Variants in CRTAC1 observed in about 807,000 individuals in gnomAD.
CRTAC1 encodes the protein acidic secreted protein in cartilage.
In CRTAC1, 37 loss-of-function variants were observed where a neutral mutation model predicts 67.8. The ratio of observed to expected loss-of-function variants is 0.55; its 90% CI spans 0.42 to 0.72. CRTAC1 has a LOEUF of 0.72. CRTAC1 is among the 30% of genes least tolerant of loss of function. The pLI, the probability that CRTAC1 is intolerant of heterozygous loss-of-function variation, is 0.00. For synonymous variants in CRTAC1, 348 were observed against 371.0 expected (o/e 0.94, Z 0.71); for missense variants, 780 against 931.6 (o/e 0.84, Z 2.12).
chr10:98,015,087 T>G (rs1442087829), intron 1 of CRTAC1, among the ~76,000 whole-genome samples: 1 of 152,210 alleles, frequency 6.6e-6, no homozygotes, highest in Non-Finnish European at 1.5e-5. Flanking sequence ...AAATGTGATA[T>G]ATGCATACAG....
At chr10:97,869,152 T>C (rs2050062517) in intron 14 of CRTAC1, 1 of 152,272 alleles carries the variant, frequency 6.6e-6, no homozygotes, top group Non-Finnish European at 1.5e-5. Context: ...ATCAGGCAGA[T>C]TCCCAGGGAA....
At chr10:97,890,918 T>C (rs1489560197) in intron 11 of CRTAC1, among the ~76,000 whole-genome samples, 2 of 152,204 alleles carry the variant, frequency 1.3e-5, no homozygotes, top group African/African-American at 4.8e-5. Context: ...CTGCCCGCCT[T>C]GGCCTCCCAA....
At chr10:98,028,933 C>T (rs1277534959) in intron 1 of CRTAC1, among the ~76,000 whole-genome samples, 1 of 152,146 alleles carries the variant, frequency 6.6e-6, no homozygotes, top group Non-Finnish European at 1.5e-5. Flanking sequence ...CACACCGTTT[C>T]GACCTTTTCC....
chr10:97,909,182 T>C (rs182215599), intron 5 of CRTAC1, among the ~76,000 whole-genome samples: 1 of 152,284 alleles, frequency 6.6e-6, no homozygotes, highest in Admixed American at 6.5e-5. Flanking sequence ...AAGTCTAACC[T>C]TAATACGTCC....
chr10:97,970,079 A>G (rs542037179), intron 2 of CRTAC1, among the ~76,000 whole-genome samples: 9 of 151,954 alleles, frequency 5.9e-5, no homozygotes, highest in Admixed American at 5.9e-4. Context: ...TCCTTTCCCA[A>G]CTTCTAGCTT....
At chr10:97,943,935 T>A (rs1440741712) in intron 2 of CRTAC1, among the ~76,000 whole-genome samples, 1 of 152,250 alleles carries the variant, frequency 6.6e-6, no homozygotes, top group Non-Finnish European at 1.5e-5. Flanking sequence ...ATATTACAAA[T>A]TTTAAATGAT....
intron 4 of CRTAC1, among the ~76,000 whole-genome samples, chr10:97,918,336 G>A (rs566905947): frequency 6.6e-6 from 1 of 152,128 alleles, no homozygotes; most frequent in East Asian, 1.9e-4. Context: ...CAGCTCCTCC[G>A]TGCAAGAGTC....
chr10:97,896,931 C>T lies in CRTAC1; in HGVS notation c.1194G>A (p.Leu398=), dbSNP rs751676449. ...CACCTGTGCCCCGGCCCTCAGGCTC[C>T]AAGGCGTCGCCGGGATTGAGCTCCT... ...LIEELNPGDA[L]EPEGRGTGGV... Residue 398 remains leucine (L), a synonymous_variant, in exon 9 of 15, where the codon TTG becomes TTA. Transcript: ENST00000370597. 1 of 1,559,510 alleles carries T rather than the reference C, an allele frequency of 6.4e-7. No homozygotes were observed. Among genetic ancestry groups the T allele is most frequent in the Non-Finnish European group, 8.7e-7 (1 of 1,151,018 alleles).
rs568163933 is a variant in CRTAC1, at chr10:97,988,532, G to GC, written c.224+22605dup. 5.0e-3 allele frequency among the ~76,000 whole-genome samples: 760 copies of GC among 152,200 alleles called. 4 individuals are homozygous for GC. Among genetic ancestry groups the GC allele is most frequent in the African/African-American group, 0.016 (684 of 41,540 alleles). On this transcript the variant is annotated intron_variant, in intron 2 of 14. Transcript: ENST00000370597. ...AGGTCAGAATTTTGAGACCATCCTG[G>GC]CCAACATGGTGACTCCGTCTCTACT...
At chr10:97,866,019 T>C in intron 14 of CRTAC1, 1 of 361,570 alleles carries the variant, frequency 2.8e-6, no homozygotes, top group Non-Finnish European at 5.0e-6. Context: ...GCCCCTCTCT[T>C]CCACAGCCCC....
chr10:97,961,799 C>T (rs1056085090), intron 2 of CRTAC1, among the ~76,000 whole-genome samples: 13 of 152,206 alleles, frequency 8.5e-5, no homozygotes, highest in Admixed American at 7.9e-4. Flanking sequence ...GTCTGGGAGG[C>T]CACGGTGGGA....
chr10:98,005,183 C>A (rs1842767255), intron 2 of CRTAC1, among the ~76,000 whole-genome samples: 1 of 137,046 alleles, frequency 7.3e-6, no homozygotes, highest in Non-Finnish European at 1.5e-5. Context: ...CGGCTCACTG[C>A]AATCTCCCCC....
chr10:97,929,712 T>C (rs1421590174), intron 3 of CRTAC1, among the ~76,000 whole-genome samples: 1 of 152,172 alleles, frequency 6.6e-6, no homozygotes, highest in Non-Finnish European at 1.5e-5. Flanking sequence ...TTAGATAATG[T>C]ATGTAAAGTG....
intron 11 of CRTAC1, among the ~76,000 whole-genome samples, chr10:97,891,648 G>A (rs568771179): frequency 7.2e-5 from 11 of 152,316 alleles, no homozygotes; most frequent in African/African-American, 2.6e-4. Flanking sequence ...GCCTCTCTTG[G>A]TCTTCCACAG....
intron 12 of CRTAC1, among the ~76,000 whole-genome samples, chr10:97,883,402 T>C (rs1314163637): frequency 6.6e-6 from 1 of 152,192 alleles, no homozygotes; most frequent in East Asian, 1.9e-4. Flanking sequence ...GGCTCTACCA[T>C]GCCCATATGG....
chr10:98,026,730 T>C (rs1843240673), intron 1 of CRTAC1, among the ~76,000 whole-genome samples: 1 of 152,094 alleles, frequency 6.6e-6, no homozygotes, highest in Non-Finnish European at 1.5e-5. Flanking sequence ...AGCATCCCTT[T>C]CGTGAGTCTT....
intron 14 of CRTAC1, among the ~76,000 whole-genome samples, chr10:97,878,897 T>G (rs1352348358): frequency 6.6e-6 from 1 of 152,148 alleles, no homozygotes; most frequent in African/African-American, 2.4e-5. Flanking sequence ...TCATCACACA[T>G]CCTTCACTTG....
At chr10:97,867,744 G>A (rs543752962) in intron 14 of CRTAC1, 5 of 151,596 alleles carry the variant, frequency 3.3e-5, no homozygotes, top group East Asian at 1.9e-4. Flanking sequence ...CTTGCCCAGC[G>A]TGAAGCTCTG....
chr10:97,911,406 A>G (rs528971853), intron 5 of CRTAC1, among the ~76,000 whole-genome samples: 1 of 152,366 alleles, frequency 6.6e-6, no homozygotes, highest in East Asian at 1.9e-4. Context: ...GAAAATTGCC[A>G]TGGTAACCAC....
Sources: gnomAD v4.1 joint callset for allele counts (sites outside exome capture counted in the v4.1 genomes callset) on GRCh38, gnomAD v4.1.1 for gene constraint, MANE v1.5 for transcripts, NCBI Gene and HGNC (gene_info 2026-07-23, HGNC 2026-07-21) for gene names.